RPS6KA2: variants seen among roughly 807,000 people sequenced by gnomAD.
RPS6KA2 encodes the protein ribosomal protein S6 kinase A2, also known as ribosomal protein S6 kinase alpha-2.
A neutral mutation model predicts 91.8 loss-of-function variants in RPS6KA2; 42 were observed. The ratio of observed to expected loss-of-function variants is 0.46; its 90% CI spans 0.36 to 0.59. The LOEUF is 0.59. Ranked by LOEUF, RPS6KA2 falls within the 20% of genes least tolerant of loss-of-function variation. RPS6KA2 has a pLI of 0.00. For missense variants in RPS6KA2, 798 were observed against 978.5 expected, an observed-to-expected ratio of 0.82 and a Z score of 2.46; for synonymous variants, 414 against 393.6, an observed-to-expected ratio of 1.05 and a Z score of -0.61.
rs115399311 is a variant in RPS6KA2, at chr6:166,770,165, C to T, written c.123+88035G>A. On this transcript the variant is annotated intron_variant, in intron 2 of 21. Coordinates refer to the RPS6KA2 transcript ENST00000503859. This position sits in a 1 kb window ranked among gnomAD's most constrained non-coding sequence, Gnocchi z 5.1. ...ATGATCAATCCCATGGTGTCACAAC[C>T]ACATGTGGCGTGACTACCGACTTAC... Among the ~76,000 whole-genome samples the T allele has an allele frequency of 9.5e-3, 1,446 of 152,318 alleles. 24 individuals carry two copies. The highest frequency in any genetic ancestry group is 0.033 in the African/African-American group (1,380 of 41,570).
chr6:166,442,377 G>A (rs1221156688), intron 14 of RPS6KA2, among the ~76,000 whole-genome samples: 2 of 152,338 alleles, frequency 1.3e-5, no homozygotes, highest in South Asian at 4.1e-4. Context: ...TGACTGCTTG[G>A]ACGGGAACCT....
chr6:166,780,542 C>T (rs1055998621), intron 2 of RPS6KA2, among the ~76,000 whole-genome samples: 7 of 152,124 alleles, frequency 4.6e-5, no homozygotes, highest in African/African-American at 1.2e-4. Context: ...TGCCTTGTTA[C>T]GGCAGCTCTG....
chr6:166,568,940 G>C (rs1305939152), intron 1 of RPS6KA2, among the ~76,000 whole-genome samples: 1 of 151,966 alleles, frequency 6.6e-6, no homozygotes, highest in African/African-American at 2.4e-5. Context: ...CTGATTTCAT[G>C]ATTTTGAACA....
intron 1 of RPS6KA2, among the ~76,000 whole-genome samples, chr6:166,590,221 C>G (rs1785311987): frequency 6.6e-6 from 1 of 152,204 alleles, no homozygotes; most frequent in African/African-American, 2.4e-5. Flanking sequence ...TTGCTTAAAA[C>G]TTGGACATAG....
intron 13 of RPS6KA2, among the ~76,000 whole-genome samples, chr6:166,449,848 C>CCATGAGGACCGCCATGGGAACCACCAT (rs1779807750): frequency 1.2e-5 from 1 of 83,130 alleles, no homozygotes; most frequent in Admixed American, 1.4e-4. Context: ...GGGACAACCA[C>CCATGAGGACCGCCATGGGAACCACCAT]GAGGACCACC....
At chr6:166,833,931 A>C (rs1211489263) in intron 2 of RPS6KA2, among the ~76,000 whole-genome samples, 1 of 148,556 alleles carries the variant, frequency 6.7e-6, no homozygotes, top group South Asian at 2.1e-4. Context: ...TTGGGGTTTC[A>C]CTATGTTGAC....
At chr6:166,439,838 A>C (rs1779462694) in intron 14 of RPS6KA2, 2 of 152,304 alleles carry the variant, frequency 1.3e-5, no homozygotes, top group South Asian at 4.1e-4. Context: ...CACAGAATTT[A>C]TAGTTCAGCT....
At chr6:166,672,611 G>GA (rs1788501517) in intron 2 of RPS6KA2, among the ~76,000 whole-genome samples, 1 of 152,032 alleles carries the variant, frequency 6.6e-6, no homozygotes, top group African/African-American at 2.4e-5. Flanking sequence ...AAAATAGTAA[G>GA]AAAAAAATGC....
Position 166,423,435 on chromosome 6 carries a change from C to G in RPS6KA2, c.1582-18G>C. The G allele has an allele frequency of 1.3e-6, 2 of 1,598,316 alleles. No homozygotes were observed. Among genetic ancestry groups the G allele is most frequent in the Non-Finnish European group, 1.7e-6 (2 of 1,167,592 alleles). On this transcript the variant is annotated intron_variant, in intron 16 of 20. Transcript: ENST00000265678. This position sits in a 1 kb window ranked among gnomAD's most constrained non-coding sequence, Gnocchi z 4.8. ...TGAACAACCTGCAAGACAGAAGGCA[C>G]AGTGCCTACTTGGGGGCTGAGGACT...
At position 166,770,541 on chromosome 6, in the gene RPS6KA2, C is replaced by T. The variant is rs1290769687; in HGVS notation, c.123+87659G>A. ...TCGTAGTTTTAAAAGGAATATTGGA[C>T]ATAAAGTGATGCAGAGATTCAGAAT... On this transcript the variant is annotated intron_variant, in intron 2 of 21. Transcript: ENST00000503859. This position sits in a 1 kb window ranked among gnomAD's most constrained non-coding sequence, Gnocchi z 5.1. Among the ~76,000 whole-genome samples, 1 of 152,178 alleles carries T rather than the reference C, an allele frequency of 6.6e-6. No individual in the cohort carries two copies. The highest frequency in any genetic ancestry group is 2.4e-5 in the African/African-American group (1 of 41,426).
rs1271349087 is a variant in RPS6KA2 at position 166,737,010 on chromosome 6, G to T, written c.123+121190C>A. 6.6e-6 allele frequency among the ~76,000 whole-genome samples: 1 copy of T among 152,180 alleles called. No individual in the cohort carries two copies. Among genetic ancestry groups the T allele is most frequent in the Non-Finnish European group, 1.5e-5 (1 of 68,038 alleles). ...GGGGTGGGGAGGGAGGGGCTGGGAG[G>T]GGAGAAAAGGGGGCAGGAAGGGAAA... On this transcript the variant is annotated intron_variant, in intron 2 of 21. Transcript: ENST00000503859. This position sits in a 1 kb window ranked among gnomAD's most constrained non-coding sequence, Gnocchi z 4.3.
chr6:166,526,555 T>A (rs1459036329), intron 3 of RPS6KA2, among the ~76,000 whole-genome samples: 1 of 152,020 alleles, frequency 6.6e-6, no homozygotes. Flanking sequence ...GGTCTTAACA[T>A]GTTGCCTAAG....
At chr6:166,694,388 C>G (rs955453262) in intron 2 of RPS6KA2, among the ~76,000 whole-genome samples, 2 of 152,228 alleles carry the variant, frequency 1.3e-5, no homozygotes, top group African/African-American at 4.8e-5. Context: ...TCTGTTCACC[C>G]ATCTCTCCAT....
intron 11 of RPS6KA2, among the ~76,000 whole-genome samples, chr6:166,462,628 G>A (rs1489953923): frequency 2.0e-5 from 3 of 152,166 alleles, no homozygotes; most frequent in South Asian, 2.1e-4. Flanking sequence ...TGCCTAGCCC[G>A]GTGCTGCGAG....
chr6:166,415,446 A>T (rs1041158056), intron 19 of RPS6KA2, among the ~76,000 whole-genome samples: 1 of 152,148 alleles, frequency 6.6e-6, no homozygotes, highest in Admixed American at 6.5e-5. Context: ...TTGTGTGCTA[A>T]GTAAGAGAAA....
intron 2 of RPS6KA2, among the ~76,000 whole-genome samples, chr6:166,534,931 G>A (rs1014800083): frequency 6.6e-6 from 1 of 152,180 alleles, no homozygotes; most frequent in Non-Finnish European, 1.5e-5. Context: ...TTTTGGTAAC[G>A]AGTGTGGCAA....
intron 1 of RPS6KA2, among the ~76,000 whole-genome samples, chr6:166,570,980 C>G (rs184842718): frequency 2.0e-5 from 3 of 152,162 alleles, no homozygotes; most frequent in East Asian, 3.9e-4. Flanking sequence ...AAACTTTACA[C>G]GAAATAATAA....
At chr6:166,784,892 CCT>C (rs1477062527) in intron 2 of RPS6KA2, among the ~76,000 whole-genome samples, 1 of 152,042 alleles carries the variant, frequency 6.6e-6, no homozygotes, top group Non-Finnish European at 1.5e-5. Context: ...ATGAATAATC[CCT>C]GTTTGCCTCA....
intron 1 of RPS6KA2, among the ~76,000 whole-genome samples, chr6:166,572,051 G>A (rs189897017): frequency 4.6e-5 from 7 of 152,116 alleles, no homozygotes; most frequent in South Asian, 2.1e-4. Flanking sequence ...TTAATAACAC[G>A]AGAACATACA....
Sources: gnomAD v4.1 joint callset for allele counts (sites outside exome capture counted in the v4.1 genomes callset) on GRCh38, gnomAD v4.1.1 for gene constraint, Gnocchi (gnomAD v3.1) non-coding constraint, MANE v1.5 for transcripts, NCBI Gene and HGNC (gene_info 2026-07-23, HGNC 2026-07-21) for gene names.